Variants in SPPL3 observed in about 807,000 individuals in gnomAD.
SPPL3 encodes signal peptide peptidase like 3, also known as signal peptide peptidase-like 3.
A neutral mutation model predicts 42.4 loss-of-function variants in SPPL3; 5 were observed. The ratio of observed to expected loss-of-function variants is 0.12; its 90% CI spans 0.06 to 0.25. The LOEUF is 0.25. Among genes scored for constraint, SPPL3 ranks in the 10% least tolerant of loss-of-function variants. SPPL3 has a pLI of 1.00. For synonymous variants in SPPL3, 195 were observed against 181.8 expected (o/e 1.07, Z -0.58); for missense variants, 235 against 489.0 (o/e 0.48, Z 4.90).
chr12:120,810,424 C>T (rs1164356214), intron 2 of SPPL3, among the ~76,000 whole-genome samples: 5 of 151,982 alleles, frequency 3.3e-5, no homozygotes. Flanking sequence ...CATTTTATTA[C>T]ATGGATATTT....
chr12:120,902,542 G>C (rs1010887050), intron 1 of SPPL3, among the ~76,000 whole-genome samples: 4 of 152,144 alleles, frequency 2.6e-5, no homozygotes, highest in African/African-American at 9.7e-5. Context: ...TGTGGAAAAG[G>C]TAATTCCCTC....
chr12:120,837,627 TG>T (rs563576107), intron 1 of SPPL3, among the ~76,000 whole-genome samples: 39 of 152,284 alleles, frequency 2.6e-4, no homozygotes, highest in African/African-American at 8.9e-4. Flanking sequence ...ATGCGATTCC[TG>T]TAAGTCAAAC....
chr12:120,808,086 CTTTT>C (rs63135760), intron 2 of SPPL3, among the ~76,000 whole-genome samples: 1 of 132,806 alleles, frequency 7.5e-6, no homozygotes. Context: ...AGTTTCTTTT[CTTTT>C]TTTTTTTTTT....
intron 3 of SPPL3, among the ~76,000 whole-genome samples, chr12:120,785,914 C>CAAA (rs11307959): frequency 2.3e-5 from 2 of 85,828 alleles, no homozygotes; most frequent in Admixed American, 1.3e-4. Flanking sequence ...GAGTCCAAGG[C>CAAA]AAAAAAAAAA....
Position 120,792,696 on chromosome 12 carries a change from CAAAA to C in SPPL3, c.102-1143_102-1140del, listed in dbSNP as rs57603403. Reference sequence around the variant, plus strand: ...GCCTGGCAACAGAGTGAGACTGTCTCAAAAAAAAAAAAAAAAAAAAAAAGTTGTT... The same window carrying C: ...GCCTGGCAACAGAGTGAGACTGTCTCAAAAAAAAAAAAAAAAAAAGTTGTT... On this transcript the variant is annotated intron_variant, in intron 2 of 10. Coordinates refer to ENST00000353487, the MANE Select transcript of SPPL3 (RefSeq NM_139015.5). Among the ~76,000 whole-genome samples the C allele has an allele frequency of 2.8e-4, 20 of 71,766 alleles. No individual in the cohort carries two copies. In the Admixed American group the frequency reaches 3.3e-3, roughly 12 times the overall value. The allele number at this position is 71,766 out of a possible 152,430, so 47.1% of individuals were successfully genotyped here.
At chr12:120,865,153 C>CCA in intron 1 of SPPL3, among the ~76,000 whole-genome samples, 1 of 152,278 alleles carries the variant, frequency 6.6e-6, no homozygotes, top group Non-Finnish European at 1.5e-5. Flanking sequence ...CAACAGTTAC[C>CCA]CAGTTGATCA....
At chr12:120,859,100 A>C (rs924969644) in intron 1 of SPPL3, among the ~76,000 whole-genome samples, 14 of 152,158 alleles carry the variant, frequency 9.2e-5, no homozygotes, top group Non-Finnish European at 1.8e-4. Flanking sequence ...TCTATAAAGA[A>C]AACATACAGA....
At chr12:120,811,073 A>G in intron 1 of SPPL3, 187 bp from the exon 2 acceptor site, 1 of 481,044 alleles carries the variant, frequency 2.1e-6, no homozygotes, top group South Asian at 3.4e-5. Flanking sequence ...TGAAGAATAA[A>G]TTGGTAGGTT....
At chr12:120,843,183 TATAAC>T (rs1871889961) in intron 1 of SPPL3, among the ~76,000 whole-genome samples, 1 of 152,134 alleles carries the variant, frequency 6.6e-6, no homozygotes, top group African/African-American at 2.4e-5. Flanking sequence ...ATATACAAGT[TATAAC>T]ATAGAGTGAC....
At chr12:120,903,744 CGACA>C in intron 1 of SPPL3, 97 bp downstream of exon 1, 14 of 710,980 alleles carry the variant, frequency 2.0e-5, no homozygotes, top group Non-Finnish European at 2.3e-5. Flanking sequence ...CCCCCCCCCA[CGACA>C]CGCACCTGTT....
rs572762266 is a variant in SPPL3 at position 120,807,662 on chromosome 12, G to A, written c.101+3147C>T. On this transcript the variant is annotated intron_variant, in intron 2 of 10. Coordinates refer to ENST00000353487, the MANE Select transcript of SPPL3 (RefSeq NM_139015.5). ...GCACTCCAGCCTGGGCAACAAGAGC[G>A]AAACTCCGACTCAAAAAAAAAAAAA... Among the ~76,000 whole-genome samples, 899 of 132,728 alleles carry A rather than the reference G, an allele frequency of 6.8e-3. 9 individuals are homozygous for A. The highest frequency in any genetic ancestry group is 0.011 in the Admixed American group (136 of 12,396). The allele number at this position is 132,728 out of a possible 152,430, so 87.1% of individuals were successfully genotyped here.
chr12:120,879,552 G>A (rs759870169), intron 1 of SPPL3, among the ~76,000 whole-genome samples: 1 of 152,040 alleles, frequency 6.6e-6, no homozygotes, highest in Non-Finnish European at 1.5e-5. Context: ...GATTTTTACC[G>A]CCCAACTTCT....
intron 2 of SPPL3, among the ~76,000 whole-genome samples, chr12:120,801,654 C>A (rs534109322): frequency 6.6e-6 from 1 of 151,964 alleles, no homozygotes; most frequent in Non-Finnish European, 1.5e-5. Context: ...AACAAACAAA[C>A]AAAAAAACCT....
intron 1 of SPPL3, among the ~76,000 whole-genome samples, 187 bp downstream of exon 1, chr12:120,903,658 G>A (rs1252822215): frequency 6.6e-6 from 1 of 152,048 alleles, no homozygotes; most frequent in Admixed American, 6.5e-5. Context: ...CCAGGTCCCC[G>A]GCCACTCACC....
At chr12:120,853,887 G>A (rs1208325346) in intron 1 of SPPL3, among the ~76,000 whole-genome samples, 1 of 151,858 alleles carries the variant, frequency 6.6e-6, no homozygotes, top group Non-Finnish European at 1.5e-5. Flanking sequence ...AAGCAAGTGA[G>A]ATGAATTTGT....
chr12:120,836,199 C>G (rs1374951587), intron 1 of SPPL3, among the ~76,000 whole-genome samples: 1 of 151,848 alleles, frequency 6.6e-6, no homozygotes, highest in Non-Finnish European at 1.5e-5. Context: ...TTTCCCCTCC[C>G]CTTGAATCTG....
chr12:120,843,174 T>C (rs1228632673), intron 1 of SPPL3, among the ~76,000 whole-genome samples: 6 of 152,196 alleles, frequency 3.9e-5, no homozygotes, highest in Non-Finnish European at 8.8e-5. Flanking sequence ...GAGGTATACA[T>C]ATACAAGTTA....
intron 1 of SPPL3, among the ~76,000 whole-genome samples, chr12:120,875,190 T>C (rs114901802): frequency 0.014 from 2,139 of 152,252 alleles, 39 homozygotes; most frequent in African/African-American, 0.045. Context: ...ACAGACTAAA[T>C]TGGCAATAGT....
intron 2 of SPPL3, among the ~76,000 whole-genome samples, chr12:120,797,280 C>A (rs1870132175): frequency 1.3e-5 from 2 of 151,808 alleles, no homozygotes; most frequent in Admixed American, 6.6e-5. Flanking sequence ...GTACTCTGTT[C>A]TATTAACTCT....
Sources: gnomAD v4.1 joint callset for allele counts (sites outside exome capture counted in the v4.1 genomes callset) on GRCh38, gnomAD v4.1.1 for gene constraint, MANE v1.5 for transcripts, NCBI Gene and HGNC (gene_info 2026-07-23, HGNC 2026-07-21) for gene names.